The following MUC3A variants were observed in gnomAD, a reference collection of about 807,000 sequenced individuals.
The protein encoded by MUC3A is mucin-3A.
MUC3A carries 109 observed loss-of-function variants against 109.0 expected under a neutral mutation model. That is an observed-to-expected ratio of 1.00 (90% CI 0.86 to 1.17). MUC3A has a LOEUF of 1.17. MUC3A is among the 50% of genes most tolerant of loss of function. MUC3A has a pLI of 0.00. For synonymous variants in MUC3A, 1,398 were observed against 981.4 expected, an observed-to-expected ratio of 1.42 and a Z score of -7.93; for missense variants, 3,537 against 2,469.4, an observed-to-expected ratio of 1.43 and a Z score of -9.16.
rs1410433920 is a variant in MUC3A at position 100,960,001 on chromosome 7, C to T, written c.8222C>T (p.Thr2741Ile). 9 of 1,506,626 alleles carry T rather than the reference C, an allele frequency of 6.0e-6. No homozygotes were observed. The highest frequency in any genetic ancestry group is 4.5e-5 in the East Asian group (2 of 44,194). 93.3% of individuals were successfully genotyped at this position (1,506,626 alleles called of 1,614,324 possible). A position where few individuals can be genotyped will look rare whatever the true frequency, so the allele number is the denominator to read the frequency against. ...CTCTCTTCCTCTGCAACTACCAGCA[C>T]TTCTTCAACCAGCTCCTCTCTGACC... ...PSLSSSATTS[T>I]SSTSSSLTTA... The change falls in exon 2 of 12, where the codon ACT becomes ATT. Residue 2741 changes from threonine to isoleucine, a missense_variant. Coordinates refer to ENST00000379458, the MANE Select transcript of MUC3A (RefSeq NM_005960.2).
In MUC3A at chr7:100,952,287, G is replaced by A. The variant is rs756522792; in HGVS notation, c.508G>A (p.Val170Ile). 1.9e-5 allele frequency: 30 copies of A among 1,598,486 alleles called. No homozygotes were observed. The highest frequency in any genetic ancestry group is 1.7e-4 in the Middle Eastern group (1 of 6,060). ...TPVTQKPVTT[V>I]TSTYSMTTTE... ...CGTGACACAGAAGCCAGTGACCACC[G>A]TCACCAGTACTTACTCTATGACCAC... The change falls in exon 2 of 12, where the codon GTC becomes ATC. Residue 170 changes from valine to isoleucine, a missense_variant. Transcript: ENST00000379458.
intron 5 of MUC3A, chr7:100,964,021 C>G (rs1413477699): frequency 3.3e-6 from 2 of 601,692 alleles, no homozygotes; most frequent in East Asian, 2.8e-5. Context: ...TGACTTTGTC[C>G]CCCTCTGGCT....
chr7:100,968,260 C>T lies in MUC3A; in HGVS notation c.*1098C>T, dbSNP rs897289621. On this transcript the variant is annotated 3_prime_UTR_variant, in exon 12 of 12. Transcript: ENST00000379458. The stretch of plus-strand genomic sequence containing the variant: ...CTGAGCCCTTGAAATCCTCAGTCGC[C>T]TTGGCGGGGAAGATTGGCTTTGGGG... The T allele has an allele frequency of 2.0e-5, 3 of 152,904 alleles. No individual in the cohort carries two copies. The highest frequency in any genetic ancestry group is 1.3e-4 in the Admixed American group (2 of 15,306). The allele number at this position is 152,904 out of a possible 1,614,324, so 9.5% of individuals were successfully genotyped here. A position where few individuals can be genotyped will look rare whatever the true frequency, so the allele number is the denominator to read the frequency against.
Position 100,956,908 on chromosome 7 carries a change from C to G in MUC3A, c.5129C>G (p.Thr1710Arg), listed in dbSNP as rs1367647217. The part of the protein sequence containing the change: ...PTTTMSFTTF[T>R]KMETPSSTVA... ...ACCACCATGTCATTCACAACATTTA[C>G]AAAGATGGAAACACCTTCATCCACT... Residue 1710 changes from threonine to arginine, a missense_variant, in exon 2 of 12, where the codon ACA (threonine) becomes AGA (arginine). By Grantham distance (71) the Thr-to-Arg change is moderately conservative. Coordinates refer to ENST00000379458, the MANE Select transcript of MUC3A (RefSeq NM_005960.2). The G allele has an allele frequency of 4.9e-6, 2 of 412,286 alleles. No individual in the cohort carries two copies. The highest frequency in any genetic ancestry group is 4.1e-5 in the African/African-American group (2 of 48,828). 25.5% of individuals were successfully genotyped at this position (412,286 alleles called of 1,614,324 possible). A position where few individuals can be genotyped will look rare whatever the true frequency, so the allele number is the denominator to read the frequency against.
Position 100,967,767 on chromosome 7 carries a change from C to T in MUC3A, c.*605C>T, listed in dbSNP as rs181772474. The T allele has an allele frequency of 5.4e-3, 983 of 181,518 alleles. 1 individual carries two copies. The highest frequency in any genetic ancestry group is 7.9e-3 in the Non-Finnish European group (682 of 86,180). 11.2% of individuals were successfully genotyped at this position (181,518 alleles called of 1,614,324 possible). A position where few individuals can be genotyped will look rare whatever the true frequency, so the allele number is the denominator to read the frequency against. On this transcript the variant is annotated 3_prime_UTR_variant, in exon 12 of 12. Transcript: ENST00000379458. ...TCCTTCATCCATCCTGCACCCCAGT[C>T]CCCCAGCCCTAAATCCTCCCTCCTC...
intron 2 of MUC3A, 30 bp from the exon 3 acceptor site, chr7:100,960,722 T>C (rs761934046): frequency 1.3e-6 from 2 of 1,595,252 alleles, no homozygotes; most frequent in African/African-American, 1.3e-5. Context: ...GGCTTTATCC[T>C]GAGCTTCCCT....
chr7:100,959,992 C>G lies in MUC3A; in HGVS notation c.8213C>G (p.Thr2738Ser). 6.6e-7 allele frequency: 1 copy of G among 1,505,682 alleles called. No individual in the cohort carries two copies. Among genetic ancestry groups the G allele is most frequent in the Non-Finnish European group, 8.8e-7 (1 of 1,138,408 alleles). The allele number at this position is 1,505,682 out of a possible 1,614,324, so 93.3% of individuals were successfully genotyped here. Residue 2738 changes from threonine (T) to serine (S), a missense_variant, in exon 2 of 12, where the codon ACT becomes AGT. Physicochemically the swap from Thr to Ser is moderately conservative, Grantham distance 58. Transcript: ENST00000379458. Reference protein sequence around the residue: ...TGFPSLSSSATTSTSSTSSSL... With the variant: ...TGFPSLSSSASTSTSSTSSSL... The stretch of plus-strand genomic sequence containing the variant: ...TTTCCTAGTCTCTCTTCCTCTGCAA[C>G]TACCAGCACTTCTTCAACCAGCTCC...
In MUC3A at chr7:100,965,687, C is replaced by G; in HGVS notation, c.9449-17C>G. The G allele has an allele frequency of 6.3e-7, 1 of 1,593,372 alleles. No homozygotes were observed. ...ATGAGGTCCTTGTCTCTGTGCATCCCCCTCCCCAACCCCCAGCCATCTGCC... is the reference window on the plus strand; with the variant it reads ...ATGAGGTCCTTGTCTCTGTGCATCCGCCTCCCCAACCCCCAGCCATCTGCC... On this transcript the variant is annotated splice_polypyrimidine_tract_variant and intron_variant, in intron 7 of 11. Coordinates refer to ENST00000379458, the MANE Select transcript of MUC3A (RefSeq NM_005960.2).
chr7:100,957,629 C>A lies in MUC3A; in HGVS notation c.5850C>A (p.Thr1950=). Residue 1950 remains threonine, a synonymous_variant, in exon 2 of 12, where the codon ACC becomes ACA. Coordinates refer to ENST00000379458, the MANE Select transcript of MUC3A (RefSeq NM_005960.2). ...CTTCTTCAATCACCAATACCAAGAC[C>A]ACCTCACACAGCTCTCCCAGCTTCA... The part of the protein sequence containing the change: ...RFTSSITNTK[T]TSHSSPSFTS... The A allele has an allele frequency of 7.4e-7, 1 of 1,353,632 alleles. No homozygotes were observed. Among genetic ancestry groups the A allele is most frequent in the Non-Finnish European group, 9.5e-7 (1 of 1,057,704 alleles). The allele number at this position is 1,353,632 out of a possible 1,614,324, so 83.9% of individuals were successfully genotyped here.
At chr7:100,966,204 TCACCTAGGGTAGAGCCCCGGCCCC>T (rs1792542418) in intron 8 of MUC3A, 158 bp from the exon 9 acceptor site, 9 of 305,048 alleles carry the variant, frequency 3.0e-5, no homozygotes, top group Non-Finnish European at 3.4e-5. Context: ...TCCCGCCCCC[TCACCTAGGGTAGAGCCCCGGCCCC>T]TCGTTCTAGG....
In MUC3A at chr7:100,953,006, C is replaced by T. The variant is rs987629821; in HGVS notation, c.1227C>T (p.Ser409=). 88 of 1,583,728 alleles carry T rather than the reference C, an allele frequency of 5.6e-5. No homozygotes were observed. The highest frequency in any genetic ancestry group is 7.1e-5 in the Non-Finnish European group (83 of 1,166,388). Residue 409 remains serine, a synonymous_variant, in exon 2 of 12, where the codon TCC becomes TCT. Coordinates refer to ENST00000379458, the MANE Select transcript of MUC3A (RefSeq NM_005960.2). ...GCTTCTCTTCATCAACCATCTACTC[C>T]ACAGTCAGCACATCCACAACTGCCA... ...TPSFSSSTIY[S]TVSTSTTAIS... is the part of the protein sequence containing the mutation.
At chr7:100,966,324 A>G in intron 8 of MUC3A, 62 bp from the exon 9 acceptor site, 5 of 1,228,538 alleles carry the variant, frequency 4.1e-6, no homozygotes, top group African/African-American at 1.9e-5. Flanking sequence ...CGCGGGGCCC[A>G]GGTGCACGGG....
chr7:100,966,986 T>C (rs749288459), intron 11 of MUC3A, 35 bp downstream of exon 11: 2 of 1,598,506 alleles, frequency 1.3e-6, no homozygotes, highest in Non-Finnish European at 1.7e-6. Context: ...CAAGGAACTC[T>C]CCCAGCCTCC....
chr7:100,957,512 C>A lies in MUC3A; in HGVS notation c.5733C>A (p.Ile1911=). 6.9e-7 allele frequency: 1 copy of A among 1,440,740 alleles called. No individual in the cohort carries two copies. The highest frequency in any genetic ancestry group is 9.1e-7 in the Non-Finnish European group (1 of 1,104,412). The allele number at this position is 1,440,740 out of a possible 1,614,324, so 89.2% of individuals were successfully genotyped here. The change falls in exon 2 of 12, where the codon ATC becomes ATA. Residue 1911 remains isoleucine (I), a synonymous_variant. Coordinates refer to ENST00000379458, the MANE Select transcript of MUC3A (RefSeq NM_005960.2). ...GTACTCCTAGCTTCACTTCTTCAAT[C>A]GCAACCACCGAGACCCCCTCACACA... The part of the protein sequence containing the change: ...SHSTPSFTSS[I]ATTETPSHST...
At position 100,967,495 on chromosome 7, in the gene MUC3A, G is replaced by C. The variant is rs1222013489; in HGVS notation, c.*333G>C. 1 of 540,956 alleles carries C rather than the reference G, an allele frequency of 1.8e-6. No individual in the cohort carries two copies. The highest frequency in any genetic ancestry group is 2.9e-5 in the East Asian group (1 of 34,048). 33.5% of individuals were successfully genotyped at this position (540,956 alleles called of 1,614,324 possible). ...AACCACATAGACTTGGTCAATTCTC[G>C]GTCCTACTCTGCCCTCCCGTCTCAG... is the stretch of plus-strand genomic sequence containing the variant. On this transcript the variant is annotated 3_prime_UTR_variant, in exon 12 of 12. Transcript: ENST00000379458.
intron 8 of MUC3A, 123 bp downstream of exon 8, chr7:100,965,989 T>A (rs1418877713): frequency 1.4e-6 from 2 of 1,419,580 alleles, no homozygotes; most frequent in African/African-American, 2.9e-5. Context: ...GTCCCCAGAG[T>A]GCCGCTCCAA....
In MUC3A at chr7:100,964,917, A is replaced by G. The variant is rs1257259853; in HGVS notation, c.9382+74A>G. 4.6e-6 allele frequency: 7 copies of G among 1,517,470 alleles called. No individual in the cohort carries two copies. In the East Asian group the frequency reaches 1.7e-4, roughly 36 times the overall value. The allele number at this position is 1,517,470 out of a possible 1,614,324, so 94.0% of individuals were successfully genotyped here. A position where few individuals can be genotyped will look rare whatever the true frequency, so the allele number is the denominator to read the frequency against. ...CCCACTCCAGCTCAGCCAGGGGGCC[A>G]CTGGGCTCAGGTGCCAGCCCTGTGG... On this transcript the variant is annotated intron_variant, in intron 6 of 11. Coordinates refer to ENST00000379458, the MANE Select transcript of MUC3A (RefSeq NM_005960.2).
At chr7:100,965,553 G>C (rs898289735) in intron 7 of MUC3A, 151 bp from the exon 8 acceptor site, 2 of 1,421,002 alleles carry the variant, frequency 1.4e-6, no homozygotes, top group African/African-American at 1.4e-5. Context: ...GCTGCGGGTG[G>C]CCTCCCCTCA....
intron 11 of MUC3A, 21 bp downstream of exon 11, chr7:100,966,972 A>T (rs781571211): frequency 4.4e-6 from 7 of 1,598,496 alleles, no homozygotes. Context: ...AAAGAGGGGG[A>T]CCCCAAGGAA....
Sources: gnomAD v4.1 joint callset for allele counts on GRCh38, gnomAD v4.1.1 for gene constraint, MANE v1.5 for transcripts, NCBI Gene and HGNC (gene_info 2026-07-23, HGNC 2026-07-21) for gene names.